PCDHA3: variants seen among roughly 807,000 people sequenced by gnomAD.
PCDHA3 encodes the protein protocadherin alpha-3.
Under a neutral mutation model 62.2 loss-of-function variants are expected in PCDHA3, and 41 were observed. The observed-to-expected ratio is 0.66, with a 90% CI of 0.51 to 0.86. PCDHA3 has a LOEUF of 0.86. Ranked by LOEUF, PCDHA3 falls within the 40% of genes least tolerant of loss-of-function variation. The pLI, the probability that PCDHA3 is intolerant of heterozygous loss-of-function variation, is 0.00. For missense variants in PCDHA3, 1,304 were observed against 1,241.2 expected, an observed-to-expected ratio of 1.05 and a Z score of -0.76; for synonymous variants, 640 against 555.4, an observed-to-expected ratio of 1.15 and a Z score of -2.14.
intron 1 of PCDHA3, among the ~76,000 whole-genome samples, chr5:140,918,211 C>T (rs1554198470): frequency 6.6e-6 from 1 of 152,046 alleles, no homozygotes; most frequent in African/African-American, 2.4e-5. Context: ...TGTTGGTGTA[C>T]AGAAATGCTG....
intron 1 of PCDHA3, chr5:140,809,009 T>A: frequency 1.2e-6 from 2 of 1,613,662 alleles, no homozygotes; most frequent in Non-Finnish European, 1.7e-6. Context: ...CGCGTGGCTT[T>A]CGTACGAGCT....
intron 1 of PCDHA3, among the ~76,000 whole-genome samples, chr5:140,939,255 A>T (rs1032457788): frequency 2.6e-5 from 4 of 152,060 alleles, no homozygotes; most frequent in Non-Finnish European, 4.4e-5. Context: ...GCTCTCTGGA[A>T]CCTCTTTTAT....
Position 140,849,547 on chromosome 5 carries a change from C to G in PCDHA3, c.2394+45956C>G, listed in dbSNP as rs2150440099. On this transcript the variant is annotated intron_variant, in intron 1 of 3. Transcript: ENST00000522353. ...GTAAATGACAATGCTCCACAGTTGA[C>G]TATCAAAACGCTCTCGGTTCCTGTA... 5.0e-6 allele frequency: 8 copies of G among 1,598,384 alleles called. No individual in the cohort carries two copies. The South Asian group carries it at 8.8e-5, about 18-fold the overall frequency.
chr5:140,968,553 G>T (rs782583876), intron 1 of PCDHA3: 1 of 1,614,132 alleles, frequency 6.2e-7, no homozygotes. Context: ...ATGGTGCCTC[G>T]AACTGCCCCT....
chr5:140,877,335 G>T, intron 1 of PCDHA3: 2 of 1,613,978 alleles, frequency 1.2e-6, no homozygotes, highest in Non-Finnish European at 1.7e-6. Context: ...CGCACATCCC[G>T]TTCCACGTGG....
chr5:140,884,167 G>T (rs1554181302), intron 1 of PCDHA3: 2 of 1,613,294 alleles, frequency 1.2e-6, no homozygotes, highest in African/African-American at 1.3e-5. Context: ...AGATCAGCAC[G>T]ACGCGCCCTC....
At chr5:140,941,553 G>T in intron 1 of PCDHA3, among the ~76,000 whole-genome samples, 1 of 151,656 alleles carries the variant, frequency 6.6e-6, no homozygotes, top group East Asian at 2.0e-4. Context: ...CTGACCTCGT[G>T]ATCCATTCGC....
chr5:140,928,943 T>C, intron 1 of PCDHA3: 1 of 1,614,090 alleles, frequency 6.2e-7, no homozygotes, highest in Non-Finnish European at 8.5e-7. Flanking sequence ...AACTTGTATT[T>C]AGTAATTGCC....
At chr5:140,804,745 A>T (rs1763452768) in intron 1 of PCDHA3, 2 of 211,092 alleles carry the variant, frequency 9.5e-6, no homozygotes, top group Non-Finnish European at 1.9e-5. Context: ...ATATTTGGTT[A>T]TCTCCTCTAG....
chr5:141,010,293 G>A lies in PCDHA3; in HGVS notation c.*356G>A. ...ATCCTGTCTTGATGACACTTGCAGG[G>A]CAGGCTGAAAAGTTTTGAGATTGAG... On this transcript the variant is annotated 3_prime_UTR_variant, in exon 4 of 4. Transcript: ENST00000522353. The A allele has an allele frequency of 6.5e-7, 1 of 1,549,794 alleles. No individual in the cohort carries two copies. The highest frequency in any genetic ancestry group is 2.4e-5 in the East Asian group (1 of 40,902).
chr5:140,882,059 A>C, intron 1 of PCDHA3: 1 of 799,024 alleles, frequency 1.3e-6, no homozygotes, highest in Non-Finnish European at 1.9e-6. Flanking sequence ...TTACACTTAC[A>C]CGTTCATGCG....
At chr5:140,922,139 C>A (rs2080663133) in intron 1 of PCDHA3, among the ~76,000 whole-genome samples, 1 of 151,854 alleles carries the variant, frequency 6.6e-6, no homozygotes, top group Non-Finnish European at 1.5e-5. Flanking sequence ...TCTTATCCTC[C>A]ATGAAACTCA....
intron 3 of PCDHA3, among the ~76,000 whole-genome samples, chr5:141,005,701 CAA>C (rs59860837): frequency 3.2e-3 from 25 of 7,784 alleles, no homozygotes; most frequent in African/African-American, 6.6e-3. Flanking sequence ...AACTCCGTCT[CAA>C]AAAAAAAAAA....
chr5:140,839,341 G>C (rs2150296500), intron 1 of PCDHA3, among the ~76,000 whole-genome samples: 1 of 150,798 alleles, frequency 6.6e-6, no homozygotes, highest in Non-Finnish European at 1.5e-5. Context: ...AGTTGATAGG[G>C]GATCCTCCTT....
chr5:140,802,460 T>A lies in PCDHA3; in HGVS notation c.1263T>A (p.Tyr421Ter). Residue 421 changes from tyrosine to a stop codon, truncating the protein, a stop_gained, in exon 1 of 4, where the codon TAT becomes TAA. Transcript: ENST00000522353. LOFTEE classifies it high-confidence loss of function. ...SPLDRESVSA[Y>*]ELVVTARDGG... ...TGGACCGCGAGAGCGTGTCGGCCTA[T>A]GAGCTGGTGGTGACTGCTCGGGACG... 1 of 1,614,154 alleles carries A rather than the reference T, an allele frequency of 6.2e-7. No individual in the cohort carries two copies. The highest frequency in any genetic ancestry group is 8.5e-7 in the Non-Finnish European group (1 of 1,179,988).
chr5:140,834,427 T>C (rs2150217610), intron 1 of PCDHA3: 1 of 1,613,722 alleles, frequency 6.2e-7, no homozygotes, highest in Non-Finnish European at 8.5e-7. Context: ...CGACATCTAC[T>C]GCTGTTTATT....
chr5:140,965,193 A>G (rs1232668450), intron 1 of PCDHA3, among the ~76,000 whole-genome samples: 1 of 152,252 alleles, frequency 6.6e-6, no homozygotes, highest in East Asian at 1.9e-4. Flanking sequence ...CACATGAGGC[A>G]ATAGATTTCA....
At chr5:140,822,246 G>A (rs2150114892) in intron 1 of PCDHA3, 11 of 1,614,194 alleles carry the variant, frequency 6.8e-6, no homozygotes, top group East Asian at 4.5e-5. Context: ...AGGGCGCGTC[G>A]GATTTGGATA....
chr5:140,853,897 G>A, intron 1 of PCDHA3: 2 of 967,612 alleles, frequency 2.1e-6, no homozygotes, highest in Non-Finnish European at 2.5e-6. Context: ...AAAAGATGTG[G>A]TGGCCTGACA....
Sources: gnomAD v4.1 joint callset for allele counts (sites outside exome capture counted in the v4.1 genomes callset) on GRCh38, gnomAD v4.1.1 for gene constraint, MANE v1.5 for transcripts, NCBI Gene and HGNC (gene_info 2026-07-23, HGNC 2026-07-21) for gene names.